The following OTUD7A variants were observed in gnomAD, a reference collection of about 807,000 sequenced individuals.
OTUD7A encodes OTU domain-containing protein 7A.
A neutral mutation model predicts 65.7 loss-of-function variants in OTUD7A; 12 were observed. That is an observed-to-expected ratio of 0.18 (90% CI 0.12 to 0.30). OTUD7A has a LOEUF of 0.30. OTUD7A is among the 10% of genes least tolerant of loss of function. The pLI, the probability that OTUD7A is intolerant of heterozygous loss-of-function variation, is 1.00. For synonymous variants in OTUD7A, 641 were observed against 586.3 expected, an observed-to-expected ratio of 1.09 and a Z score of -1.35; for missense variants, 1,148 against 1,304.8, an observed-to-expected ratio of 0.88 and a Z score of 1.85.
At position 31,663,106 on chromosome 15, in the gene OTUD7A, G is replaced by A. The variant is rs1403838864; in HGVS notation, c.-99-6029C>T. 5.4e-5 allele frequency among the ~76,000 whole-genome samples: 8 copies of A among 148,304 alleles called. No individual in the cohort carries two copies. In the South Asian group the frequency reaches 8.5e-4, roughly 16 times the overall value. On this transcript the variant is annotated intron_variant, in intron 1 of 12. Coordinates refer to ENST00000307050, the MANE Select transcript of OTUD7A (RefSeq NM_001382637.1). ...ATCCCTCTATTGCCAAATCCTGTCC[G>A]ATTTCCTTGATTAATGCATTCAATA...
rs879645312 is a variant in OTUD7A, at chr15:31,619,291, G to GT, written c.151+35804dup. On this transcript the variant is annotated intron_variant, in intron 3 of 12. Coordinates refer to ENST00000307050, the MANE Select transcript of OTUD7A (RefSeq NM_001382637.1). ...TTGGTTCCATATCAACTTTAAAGTAGTTTTTTCCAATTCTGTGAAGAAAGT... is the reference window on the plus strand; with the variant it reads ...TTGGTTCCATATCAACTTTAAAGTAGTTTTTTTCCAATTCTGTGAAGAAAGT... Among the ~76,000 whole-genome samples, 479 of 152,266 alleles carry GT rather than the reference G, an allele frequency of 3.1e-3. 12 individuals are homozygous for GT. The highest frequency in any genetic ancestry group is 0.028 in the Admixed American group (435 of 15,286).
chr15:31,580,153 T>C (rs1396939528), intron 3 of OTUD7A, among the ~76,000 whole-genome samples: 1 of 152,158 alleles, frequency 6.6e-6, no homozygotes, highest in African/African-American at 2.4e-5. Flanking sequence ...AAGTTGCGTC[T>C]GGATAAACCT....
intron 1 of OTUD7A, among the ~76,000 whole-genome samples, chr15:31,742,746 G>T (rs936141134): frequency 6.6e-6 from 1 of 151,984 alleles, no homozygotes; most frequent in African/African-American, 2.4e-5. Context: ...TAAATATAAA[G>T]ACATAGGTAG....
intron 1 of OTUD7A, among the ~76,000 whole-genome samples, chr15:31,842,414 A>T (rs1897205548): frequency 6.6e-6 from 1 of 152,184 alleles, no homozygotes; most frequent in Non-Finnish European, 1.5e-5. Context: ...GGCTAGCAAG[A>T]GGGAGTGCCT....
intron 1 of OTUD7A, among the ~76,000 whole-genome samples, chr15:31,732,409 G>C (rs1451318169): frequency 6.6e-6 from 1 of 152,238 alleles, no homozygotes; most frequent in African/African-American, 2.4e-5. Flanking sequence ...TGGCCTCCTA[G>C]TTGTGATTTG....
At chr15:31,493,148 G>GA (rs1449228620) in intron 10 of OTUD7A, among the ~76,000 whole-genome samples, 8 of 97,568 alleles carry the variant, frequency 8.2e-5, no homozygotes, top group African/African-American at 2.3e-4. Flanking sequence ...TGAGGTTGTA[G>GA]GAAAAAAAAA....
intron 1 of OTUD7A, among the ~76,000 whole-genome samples, chr15:31,663,629 G>T (rs1260840090): frequency 6.6e-6 from 1 of 151,882 alleles, no homozygotes; most frequent in Non-Finnish European, 1.5e-5. Flanking sequence ...CCTTTTTATG[G>T]CTGCATAGTA....
intron 3 of OTUD7A, among the ~76,000 whole-genome samples, chr15:31,623,735 T>C (rs1397702616): frequency 6.6e-6 from 1 of 152,230 alleles, no homozygotes; most frequent in Non-Finnish European, 1.5e-5. Context: ...TGCCTCACCA[T>C]GCTTCGGCTC....
intron 1 of OTUD7A, among the ~76,000 whole-genome samples, chr15:31,841,964 C>G (rs1897192758): frequency 6.6e-6 from 1 of 152,212 alleles, no homozygotes; most frequent in Admixed American, 6.5e-5. Flanking sequence ...CACCCATGCT[C>G]TAGAATGTCC....
chr15:31,543,298 T>C (rs991138214), intron 5 of OTUD7A, among the ~76,000 whole-genome samples: 4 of 151,874 alleles, frequency 2.6e-5, no homozygotes, highest in Admixed American at 2.0e-4. Context: ...AGAGAGGGTA[T>C]AACTTCAAAA....
chr15:31,834,291 C>T (rs1428951312), intron 1 of OTUD7A, among the ~76,000 whole-genome samples: 6 of 152,220 alleles, frequency 3.9e-5, no homozygotes, highest in Non-Finnish European at 8.8e-5. Flanking sequence ...CAGAAAGGAA[C>T]AGAACAGGAA....
At chr15:31,553,085 C>T (rs1888375921) in intron 5 of OTUD7A, among the ~76,000 whole-genome samples, 1 of 152,142 alleles carries the variant, frequency 6.6e-6, no homozygotes, top group Non-Finnish European at 1.5e-5. Context: ...GAGAACCTTG[C>T]CCTCACAGTC....
intron 3 of OTUD7A, among the ~76,000 whole-genome samples, chr15:31,586,709 C>T (rs1484678415): frequency 6.6e-6 from 1 of 152,232 alleles, no homozygotes; most frequent in African/African-American, 2.4e-5. Context: ...ACTCCCCTTA[C>T]ACCACCCATG....
chr15:31,632,956 T>C (rs1450009406), intron 3 of OTUD7A, among the ~76,000 whole-genome samples: 3 of 152,216 alleles, frequency 2.0e-5, no homozygotes, highest in Non-Finnish European at 2.9e-5. Context: ...GTGTGCCGTT[T>C]TTTAAGCCCG....
At chr15:31,781,240 T>G (rs952925530) in intron 1 of OTUD7A, among the ~76,000 whole-genome samples, 6 of 152,146 alleles carry the variant, frequency 3.9e-5, no homozygotes, top group Non-Finnish European at 8.8e-5. Context: ...ACATGTACAC[T>G]TGGAGTCCTG....
chr15:31,545,910 G>A (rs1228709830), intron 5 of OTUD7A, among the ~76,000 whole-genome samples: 1 of 151,974 alleles, frequency 6.6e-6, no homozygotes, highest in East Asian at 1.9e-4. Flanking sequence ...CTGAATCTGC[G>A]AATTCAACCA....
intron 1 of OTUD7A, among the ~76,000 whole-genome samples, chr15:31,743,035 A>T (rs977415903): frequency 1.3e-5 from 2 of 152,152 alleles, no homozygotes; most frequent in African/African-American, 4.8e-5. Flanking sequence ...TTTCTAAAGG[A>T]ACTGCTAGAA....
intron 10 of OTUD7A, among the ~76,000 whole-genome samples, chr15:31,496,224 G>T (rs574700890): frequency 7.0e-6 from 1 of 143,198 alleles, no homozygotes; most frequent in Non-Finnish European, 1.6e-5. Context: ...TTTGATAAAT[G>T]ATTTTTTTTT....
At chr15:31,716,114 T>C (rs1394026574) in intron 1 of OTUD7A, among the ~76,000 whole-genome samples, 1 of 98,542 alleles carries the variant, frequency 1.0e-5, no homozygotes, top group African/African-American at 3.1e-5. Flanking sequence ...AAACAGATAA[T>C]AGCATGAGAA....
Sources: gnomAD v4.1 joint callset for allele counts (sites outside exome capture counted in the v4.1 genomes callset) on GRCh38, gnomAD v4.1.1 for gene constraint, MANE v1.5 for transcripts, NCBI Gene and HGNC (gene_info 2026-07-23, HGNC 2026-07-21) for gene names.